Variants in ZFYVE9 observed in about 807,000 individuals in gnomAD.
ZFYVE9 encodes zinc finger FYVE-type containing 9, also known as zinc finger FYVE domain-containing protein 9.
ZFYVE9 carries 43 observed loss-of-function variants against 126.7 expected under a neutral mutation model. The observed-to-expected ratio is 0.34, with a 90% confidence interval of 0.27 to 0.44. ZFYVE9 has a LOEUF of 0.44. Among genes scored for constraint, ZFYVE9 ranks in the 20% least tolerant of loss-of-function variants. ZFYVE9 has a pLI of 1.00. For missense variants in ZFYVE9, 1,476 were observed against 1,697.0 expected, an observed-to-expected ratio of 0.87 and a Z score of 2.29; for synonymous variants, 521 against 597.4, an observed-to-expected ratio of 0.87 and a Z score of 1.87.
At position 52,346,204 on chromosome 1, in the gene ZFYVE9, C is replaced by G; in HGVS notation, c.4261C>G (p.Leu1421Val). The G allele has an allele frequency of 6.2e-7, 1 of 1,603,412 alleles. No individual in the cohort carries two copies. The highest frequency in any genetic ancestry group is 8.5e-7 in the Non-Finnish European group (1 of 1,174,262). ...PVVMELIFYI[L>V]ENIV ...TGTCATGGAACTCATCTTTTATATTCTGGAAAACATCGTATAAACAGAGAA... is the reference window on the plus strand; with the variant it reads ...TGTCATGGAACTCATCTTTTATATTGTGGAAAACATCGTATAAACAGAGAA... Residue 1421 changes from leucine to valine, a missense_variant, in exon 19 of 19, where the codon CTG (leucine) becomes GTG (valine). Physicochemically the swap from Leu to Val is conservative, Grantham distance 32 (BLOSUM62 1). Around this residue, in one of 2 missense-constraint regions of ZFYVE9, gnomAD observed 669 missense variants for 902.4 expected, o/e 0.74. Transcript: ENST00000287727.
rs58718363 is a variant in ZFYVE9, at chr1:52,152,333, G to A, written c.-143+9930G>A. Among the ~76,000 whole-genome samples the A allele has an allele frequency of 5.3e-3, 810 of 152,038 alleles. 12 individuals carry two copies. The highest frequency in any genetic ancestry group is 0.019 in the African/African-American group (785 of 41,466). On this transcript the variant is annotated intron_variant, in intron 1 of 18. Coordinates refer to ENST00000287727, the MANE Select transcript of ZFYVE9 (RefSeq NM_004799.4). The stretch of plus-strand genomic sequence containing the variant: ...TGGTTGTGGAACCCCTTTTTTCCAC[G>A]TAGGCCTTAGTAATTAATACCCTTT...
chr1:52,221,544 G>T (rs566312044), intron 2 of ZFYVE9, among the ~76,000 whole-genome samples: 8 of 152,258 alleles, frequency 5.3e-5, no homozygotes, highest in African/African-American at 1.9e-4. Flanking sequence ...CTTGATGAGG[G>T]GTACTTATGA....
chr1:52,220,543 C>T (rs1645114857), intron 2 of ZFYVE9, among the ~76,000 whole-genome samples: 1 of 152,168 alleles, frequency 6.6e-6, no homozygotes, highest in African/African-American at 2.4e-5. Flanking sequence ...GAGGCTGCTT[C>T]TTTAGGGTTT....
Position 52,144,871 on chromosome 1 carries a change from C to T in ZFYVE9, c.-143+2468C>T, listed in dbSNP as rs552343356. Among the ~76,000 whole-genome samples the T allele has an allele frequency of 4.6e-5, 7 of 152,222 alleles. No homozygotes were observed. In the South Asian group the frequency reaches 1.0e-3, roughly 23 times the overall value. On this transcript the variant is annotated intron_variant, in intron 1 of 18. Coordinates refer to ENST00000287727, the MANE Select transcript of ZFYVE9 (RefSeq NM_004799.4). ...CATATACTTCAGTTATTATGCTTACCTTGCGAGGCTTTTAGGATAAATAAA... is the reference window on the plus strand; with the variant it reads ...CATATACTTCAGTTATTATGCTTACTTTGCGAGGCTTTTAGGATAAATAAA...
intron 1 of ZFYVE9, among the ~76,000 whole-genome samples, chr1:52,147,160 T>C (rs1433757704): frequency 1.3e-5 from 2 of 152,230 alleles, no homozygotes; most frequent in African/African-American, 2.4e-5. Context: ...CTGTCCCAAA[T>C]GCTTCTGGTT....
intron 1 of ZFYVE9, among the ~76,000 whole-genome samples, chr1:52,199,129 G>A (rs984807458): frequency 1.1e-4 from 16 of 150,974 alleles, no homozygotes; most frequent in Non-Finnish European, 1.6e-4. Context: ...GCTGTGGCGC[G>A]ATCTCGACTC....
At chr1:52,237,290 C>G (rs563575999) in intron 3 of ZFYVE9, among the ~76,000 whole-genome samples, 198 bp from the exon 4 acceptor site, 1 of 152,186 alleles carries the variant, frequency 6.6e-6, no homozygotes, top group Non-Finnish European at 1.5e-5. Flanking sequence ...TTGGAATAGT[C>G]TGAGATATTA....
At chr1:52,148,208 C>T (rs1231636593) in intron 1 of ZFYVE9, among the ~76,000 whole-genome samples, 1 of 152,130 alleles carries the variant, frequency 6.6e-6, no homozygotes, top group East Asian at 1.9e-4. Flanking sequence ...GGCGCTGTGG[C>T]TCACGCCTGT....
At chr1:52,210,678 A>G (rs887114737) in intron 1 of ZFYVE9, among the ~76,000 whole-genome samples, 2 of 152,016 alleles carry the variant, frequency 1.3e-5, no homozygotes, top group African/African-American at 4.8e-5. Context: ...TTTTTGAGAC[A>G]TAGTCTCACT....
chr1:52,323,061 C>G (rs1430926394), intron 13 of ZFYVE9, among the ~76,000 whole-genome samples: 1 of 152,186 alleles, frequency 6.6e-6, no homozygotes, highest in East Asian at 1.9e-4. Flanking sequence ...ATCTTGGCCT[C>G]CCAAAGTGCT....
At chr1:52,341,216 G>A (rs769996303) in intron 17 of ZFYVE9, among the ~76,000 whole-genome samples, 5 of 152,336 alleles carry the variant, frequency 3.3e-5, no homozygotes, top group East Asian at 1.9e-4. Flanking sequence ...GCGAAACTCC[G>A]TCTCCAAAAA....
rs1200059734 is a variant in ZFYVE9 at position 52,239,248 on chromosome 1, A to G, written c.1831A>G (p.Thr611Ala). Residue 611 changes from threonine (T) to alanine (A), a missense_variant, in exon 4 of 19, where the codon ACT (threonine) becomes GCT (alanine). Physicochemically the swap from Thr to Ala is moderately conservative, Grantham distance 58. Transcript: ENST00000287727. ...NDFPANSGNN[T>A]KNKNDILGKA... ...CTTTCCTGCAAACAGTGGAAATAAT[A>G]CTAAAAATAAAAATGATATTCTTGG... The G allele has an allele frequency of 3.1e-6, 5 of 1,614,026 alleles. No individual in the cohort carries two copies. Among genetic ancestry groups the G allele is most frequent in the Non-Finnish European group, 4.2e-6 (5 of 1,180,012 alleles).
chr1:52,328,243 C>G (rs985088033), intron 13 of ZFYVE9, among the ~76,000 whole-genome samples: 1 of 152,104 alleles, frequency 6.6e-6, no homozygotes, highest in Non-Finnish European at 1.5e-5. Flanking sequence ...GTAGGAAAAC[C>G]AGTTACAAGG....
chr1:52,333,244 C>T (rs935568182), intron 14 of ZFYVE9, among the ~76,000 whole-genome samples: 1 of 150,392 alleles, frequency 6.6e-6, no homozygotes, highest in Non-Finnish European at 1.5e-5. Context: ...ATGTAACAAA[C>T]CTGCATGTTG....
chr1:52,268,353 C>A (rs1645653507), intron 6 of ZFYVE9, 110 bp from the exon 7 acceptor site: 2 of 1,135,210 alleles, frequency 1.8e-6, no homozygotes, highest in Non-Finnish European at 1.2e-6. Flanking sequence ...TTGTAAGTTG[C>A]CAAGTAATGA....
At chr1:52,143,455 C>T (rs535834962) in intron 1 of ZFYVE9, among the ~76,000 whole-genome samples, 53 of 152,148 alleles carry the variant, frequency 3.5e-4, no homozygotes, top group South Asian at 1.7e-3. Flanking sequence ...TAGGTACTTG[C>T]AAAACTTTTA....
In ZFYVE9 at chr1:52,162,514, C is replaced by T. The variant is rs76567699; in HGVS notation, c.-143+20111C>T. The T allele has an allele frequency of 4.7e-3, 1,212 of 260,114 alleles. 15 individuals are homozygous for T. The highest frequency in any genetic ancestry group is 0.026 in the African/African-American group (1,147 of 44,360). 16.1% of individuals were successfully genotyped at this position (260,114 alleles called of 1,614,324 possible). A position where few individuals can be genotyped will look rare whatever the true frequency, so the allele number is the denominator to read the frequency against. On this transcript the variant is annotated intron_variant, in intron 1 of 18. Transcript: ENST00000287727. ...CTTACCATAGCCTCCTTTGAGTCAT[C>T]TATTCCCTAAAAATGCACAAAAGCA...
chr1:52,263,963 A>C (rs1645609822), intron 5 of ZFYVE9, 91 bp downstream of exon 5: 4 of 702,486 alleles, frequency 5.7e-6, no homozygotes, highest in Non-Finnish European at 9.0e-6. Flanking sequence ...CTTTCTTTAC[A>C]AGTTGCTCAC....
intron 4 of ZFYVE9, among the ~76,000 whole-genome samples, chr1:52,240,409 T>C (rs1645321407): frequency 6.6e-6 from 1 of 152,306 alleles, no homozygotes; most frequent in Non-Finnish European, 1.5e-5. Context: ...ATAACTTTTA[T>C]TGGGCTGTTG....
Sources: allele counts gnomAD v4.1 joint callset (sites outside exome capture counted in the v4.1 genomes callset), GRCh38; gene constraint gnomAD v4.1.1; regional missense constraint gnomAD v4.1.1; transcripts MANE v1.5; gene names NCBI Gene and HGNC (gene_info 2026-07-23, HGNC 2026-07-21).